The following DEFB114 variants were observed in gnomAD, a reference collection of about 807,000 sequenced individuals.
DEFB114 encodes beta-defensin 114.
A neutral mutation model predicts 2.4 loss-of-function variants in DEFB114; 4 were observed. That is an observed-to-expected ratio of 1.67 (90% CI 0.82 to 3.82). The LOEUF (loss-of-function observed/expected upper bound fraction) is 3.82, where lower values mean the gene tolerates loss of function less well. Among genes scored for constraint, DEFB114 ranks in the 30% most tolerant of loss-of-function variants. The probability of loss-of-function intolerance (pLI) is 0.01; values close to 1 mark genes in which losing one functional copy is unlikely to be tolerated. For synonymous variants in DEFB114, 35 were observed against 24.6 expected (o/e 1.42, Z -1.26); for missense variants, 113 against 85.8 (o/e 1.32, Z -1.25).
rs1773436124 is a variant in DEFB114 at position 49,960,334 on chromosome 6, A to T, written c.168T>A (p.Ile56=). The change falls in exon 2 of 2, where the codon ATT becomes ATA. Residue 56 remains isoleucine (I), a synonymous_variant. Coordinates refer to ENST00000322066, the MANE Select transcript of DEFB114 (RefSeq NM_001037499.2). ...QIDICSLPRK[I]CCTEKLYEED... ...CTTCATACAATTTCTCAGTGCAGCA[A>T]ATTTTTCTTGGTAAGGAACATATGT... 6.2e-7 allele frequency: 1 copy of T among 1,606,954 alleles called. No individual in the cohort carries two copies. Among genetic ancestry groups the T allele is most frequent in the East Asian group, 2.2e-5 (1 of 44,588 alleles).
chr6:49,962,781 A>G (rs1316562805), intron 1 of DEFB114, among the ~76,000 whole-genome samples: 4 of 150,362 alleles, frequency 2.7e-5, no homozygotes, highest in Non-Finnish European at 6.0e-5. Context: ...TTTTTTCTTC[A>G]TATGGCTATG....
At chr6:49,961,189 A>G (rs988187038) in intron 1 of DEFB114, among the ~76,000 whole-genome samples, 6 of 150,790 alleles carry the variant, frequency 4.0e-5, no homozygotes, top group African/African-American at 1.2e-4. Context: ...ATACATAAAT[A>G]TTCAATTTAA....
chr6:49,963,856 A>T (rs534750447), intron 1 of DEFB114, among the ~76,000 whole-genome samples, 195 bp downstream of exon 1: 1 of 150,212 alleles, frequency 6.7e-6, no homozygotes, highest in South Asian at 2.1e-4. Flanking sequence ...TTTTATCTAC[A>T]TATTTGGAGA....
In DEFB114 at chr6:49,960,475, C is replaced by A; in HGVS notation, c.56-29G>T. ...CGGTAAAAGAAGAGTAACAGAAATT[C>A]TAATCTTTTATTTAAGCATATATTA... On this transcript the variant is annotated intron_variant, in intron 1 of 1. Coordinates refer to ENST00000322066, the MANE Select transcript of DEFB114 (RefSeq NM_001037499.2). 3.2e-6 allele frequency: 5 copies of A among 1,567,822 alleles called. No homozygotes were observed. In the South Asian group the frequency reaches 3.6e-5, roughly 11 times the overall value.
chr6:49,960,506 G>C (rs1420619978), intron 1 of DEFB114, 60 bp from the exon 2 acceptor site: 3 of 1,503,856 alleles, frequency 2.0e-6, no homozygotes, highest in Non-Finnish European at 8.9e-7. Flanking sequence ...TATTACTTCT[G>C]ATTTCATAGA....
chr6:49,963,943 T>A, intron 1 of DEFB114, 108 bp downstream of exon 1: 2 of 797,828 alleles, frequency 2.5e-6, no homozygotes, highest in Non-Finnish European at 4.0e-6. Context: ...AAGACACTTA[T>A]TTAATTGATA....
chr6:49,962,386 C>T (rs1773477254), intron 1 of DEFB114, among the ~76,000 whole-genome samples: 1 of 150,302 alleles, frequency 6.7e-6, no homozygotes, highest in African/African-American at 2.4e-5. Flanking sequence ...TGTTTACTGA[C>T]CTAATAAATA....
At chr6:49,960,988 A>T (rs1773449699) in intron 1 of DEFB114, among the ~76,000 whole-genome samples, 1 of 150,682 alleles carries the variant, frequency 6.6e-6, no homozygotes, top group African/African-American at 2.4e-5. Flanking sequence ...CCTTCTTTTT[A>T]TAAAATTTTT....
Position 49,960,300 on chromosome 6 carries a change from T to C in DEFB114, c.202A>G (p.Met68Val). ...CTEKLYEEDD[M>V]F ...GAGGTATGCCTTTCTTTTCAAAACA[T>C]ATCATCTTCTTCATACAATTTCTCA... Residue 68 changes from methionine to valine, a missense_variant, in exon 2 of 2, where the codon ATG becomes GTG. Transcript: ENST00000322066. 5 of 1,603,578 alleles carry C rather than the reference T, an allele frequency of 3.1e-6. No individual in the cohort carries two copies. The highest frequency in any genetic ancestry group is 1.3e-5 in the African/African-American group (1 of 74,148).
chr6:49,960,388 T>G lies in DEFB114; in HGVS notation c.114A>C (p.Arg38Ser), dbSNP rs1199448246. The change falls in exon 2 of 2, where the codon AGA becomes AGC. Residue 38 changes from arginine (R) to serine (S), a missense_variant. Physicochemically the swap from Arg to Ser is moderately radical, Grantham distance 110. Transcript: ENST00000322066. ...RCTKRYGRCK[R>S]DCLESEKQID... ...TTTGCTTTTCACTCTCAAGACAGTC[T>G]CTTTTACAACGACCGTAACGTTTGG... 2 of 1,608,528 alleles carry G rather than the reference T, an allele frequency of 1.2e-6. No homozygotes were observed. Among genetic ancestry groups the G allele is most frequent in the African/African-American group, 2.7e-5 (2 of 74,278 alleles).
At chr6:49,961,394 TTAAA>T (rs1006193823) in intron 1 of DEFB114, among the ~76,000 whole-genome samples, 1 of 150,730 alleles carries the variant, frequency 6.6e-6, no homozygotes, top group Non-Finnish European at 1.5e-5. Context: ...TTTTAAATGA[TTAAA>T]TAATTATTCC....
chr6:49,960,548 A>T, intron 1 of DEFB114, 102 bp from the exon 2 acceptor site: 1 of 1,250,526 alleles, frequency 8.0e-7, no homozygotes, highest in South Asian at 1.8e-5. Flanking sequence ...AAGTTTAGAA[A>T]ATACCAAAAA....
At chr6:49,963,973 C>T (rs1301483588) in intron 1 of DEFB114, 78 bp downstream of exon 1, 3 of 1,098,378 alleles carry the variant, frequency 2.7e-6, no homozygotes, top group Admixed American at 4.8e-5. Flanking sequence ...TAAAAATTTG[C>T]ATTCTACAAT....
chr6:49,960,319 T>C lies in DEFB114; in HGVS notation c.183A>G (p.Lys61=), dbSNP rs2113911144. The C allele has an allele frequency of 6.2e-7, 1 of 1,606,108 alleles. No individual in the cohort carries two copies. Among genetic ancestry groups the C allele is most frequent in the Non-Finnish European group, 8.5e-7 (1 of 1,175,614 alleles). Residue 61 remains lysine (K), a synonymous_variant, in exon 2 of 2, where the codon AAA becomes AAG. Transcript: ENST00000322066. ...AAAACATATCATCTTCTTCATACAA[T>C]TTCTCAGTGCAGCAAATTTTTCTTG... ...SLPRKICCTE[K]LYEEDDMF
rs1188660241 is a variant in DEFB114, at chr6:49,964,031, A to G, written c.55+20T>C. On this transcript the variant is annotated intron_variant, in intron 1 of 1. Coordinates refer to ENST00000322066, the MANE Select transcript of DEFB114 (RefSeq NM_001037499.2). ...CTAGTGAGAAGTTTTACACAAATAT[A>G]ACAGAGACATCTATCTTACCTGGTA... is the stretch of plus-strand genomic sequence containing the variant. 1 of 1,531,622 alleles carries G rather than the reference A, an allele frequency of 6.5e-7. No individual in the cohort carries two copies. The allele number at this position is 1,531,622 out of a possible 1,614,324, so 94.9% of individuals were successfully genotyped here.
intron 1 of DEFB114, among the ~76,000 whole-genome samples, chr6:49,962,062 C>T (rs747050134): frequency 5.3e-5 from 8 of 150,322 alleles, no homozygotes; most frequent in Non-Finnish European, 1.0e-4. Flanking sequence ...TACTTTTGTA[C>T]TTGACTCTTG....
Position 49,961,007 on chromosome 6 carries a change from T to G in DEFB114, c.56-561A>C, listed in dbSNP as rs1367787357. On this transcript the variant is annotated intron_variant, in intron 1 of 1. Transcript: ENST00000322066. ...CTTTTTATAAAATTTTTTACATGCT[T>G]TGTTGATTATATAACTGGAATTTTT... is the stretch of plus-strand genomic sequence containing the variant. Among the ~76,000 whole-genome samples the G allele has an allele frequency of 2.0e-5, 3 of 150,832 alleles. No individual in the cohort carries two copies. The East Asian group carries it at 5.8e-4, about 29-fold the overall frequency.
At chr6:49,963,663 T>C (rs1241382167) in intron 1 of DEFB114, among the ~76,000 whole-genome samples, 1 of 150,018 alleles carries the variant, frequency 6.7e-6, no homozygotes, top group Admixed American at 6.7e-5. Flanking sequence ...CTGTTATTGA[T>C]ATTCCAAGAA....
At chr6:49,963,884 C>T (rs571656149) in intron 1 of DEFB114, among the ~76,000 whole-genome samples, 167 bp downstream of exon 1, 1 of 150,042 alleles carries the variant, frequency 6.7e-6, no homozygotes, top group South Asian at 2.1e-4. Flanking sequence ...GGGTACAGTA[C>T]ACCAGTATAA....
Sources: gnomAD v4.1 joint callset for allele counts (sites outside exome capture counted in the v4.1 genomes callset) on GRCh38, gnomAD v4.1.1 for gene constraint, MANE v1.5 for transcripts, NCBI Gene and HGNC (gene_info 2026-07-23, HGNC 2026-07-21) for gene names.